ZNF385D: variants seen among roughly 807,000 people sequenced by gnomAD.
ZNF385D encodes the protein zinc finger protein 659.
ZNF385D carries 15 observed loss-of-function variants against 35.8 expected under a neutral mutation model. The observed-to-expected ratio is 0.42, with a 90% confidence interval of 0.28 to 0.64. The LOEUF (loss-of-function observed/expected upper bound fraction) is 0.64. ZNF385D is among the 30% of genes least tolerant of loss of function. The pLI, the probability that ZNF385D is intolerant of heterozygous loss-of-function variation, is 0.23. For missense variants in ZNF385D, 474 were observed against 494.6 expected, an observed-to-expected ratio of 0.96 and a Z score of 0.39; for synonymous variants, 212 against 186.8, an observed-to-expected ratio of 1.13 and a Z score of -1.10.
intron 1 of ZNF385D, among the ~76,000 whole-genome samples, chr3:21,693,549 T>A (rs1473157997): frequency 6.6e-6 from 1 of 152,198 alleles, no homozygotes; most frequent in Non-Finnish European, 1.5e-5. Context: ...CTGTGTACAC[T>A]TGTGCCACTT....
chr3:22,017,890 GT>G (rs1365073564), intron 3 of ZNF385D, among the ~76,000 whole-genome samples: 2 of 151,646 alleles, frequency 1.3e-5, no homozygotes, highest in South Asian at 2.1e-4. Context: ...TATTCAACTT[GT>G]TTTTTGCCTA....
chr3:21,489,527 AAG>A (rs1705263088), intron 4 of ZNF385D, among the ~76,000 whole-genome samples: 1 of 152,148 alleles, frequency 6.6e-6, no homozygotes, highest in African/African-American at 2.4e-5. Context: ...TAGAGTTTTA[AAG>A]ACTTTCCTCA....
chr3:21,643,985 A>T (rs4858341), intron 2 of ZNF385D, among the ~76,000 whole-genome samples: 89,991 of 151,952 alleles, frequency 0.59, 28,022 homozygotes, highest in Non-Finnish European at 0.68. Context: ...TACAAACAGA[A>T]AAGGACAAAG....
chr3:21,575,376 A>G (rs998327045), intron 2 of ZNF385D, among the ~76,000 whole-genome samples: 2 of 152,178 alleles, frequency 1.3e-5, no homozygotes, highest in African/African-American at 4.8e-5. Flanking sequence ...TTTAACAAAT[A>G]AATTCATTCA....
chr3:22,189,200 C>A (rs1466566212), intron 2 of ZNF385D, among the ~76,000 whole-genome samples: 2 of 152,240 alleles, frequency 1.3e-5, no homozygotes, highest in East Asian at 3.9e-4. Context: ...AACTGTGTTT[C>A]TCAACTGGGA....
At chr3:21,881,503 T>G (rs1698274188) in intron 3 of ZNF385D, among the ~76,000 whole-genome samples, 1 of 152,028 alleles carries the variant, frequency 6.6e-6, no homozygotes. Context: ...AAAAGATTCC[T>G]TTTAAAATAT....
intron 1 of ZNF385D, among the ~76,000 whole-genome samples, chr3:21,697,511 T>C (rs1402487440): frequency 6.6e-6 from 1 of 152,132 alleles, no homozygotes; most frequent in African/African-American, 2.4e-5. Context: ...TGATAGCCAC[T>C]AGTCCTATAT....
chr3:21,663,890 A>AATATATATACATATATATATATATAT (rs2066310533), intron 2 of ZNF385D, among the ~76,000 whole-genome samples: 1 of 64,418 alleles, frequency 1.6e-5, no homozygotes, highest in African/African-American at 6.2e-5. Flanking sequence ...TTGTGGGCCG[A>AATATATATACATATATATATATATAT]ATATATATAT....
chr3:22,302,696 A>G (rs897359024), intron 2 of ZNF385D, among the ~76,000 whole-genome samples: 32 of 152,012 alleles, frequency 2.1e-4, no homozygotes, highest in African/African-American at 6.8e-4. Flanking sequence ...TAAGATAACT[A>G]CCATTTTAGA....
chr3:22,070,895 C>A (rs1405669799), intron 3 of ZNF385D, among the ~76,000 whole-genome samples: 1 of 152,106 alleles, frequency 6.6e-6, no homozygotes, highest in Non-Finnish European at 1.5e-5. Flanking sequence ...CTTCAGAAAG[C>A]ACTTACTACA....
chr3:21,906,926 A>G (rs1699712811), intron 3 of ZNF385D, among the ~76,000 whole-genome samples: 1 of 152,082 alleles, frequency 6.6e-6, no homozygotes, highest in Admixed American at 6.6e-5. Context: ...TTAATCCTGG[A>G]GTTCTGCTCT....
chr3:21,773,675 C>A (rs181068717), intron 3 of ZNF385D, among the ~76,000 whole-genome samples: 58 of 151,910 alleles, frequency 3.8e-4, no homozygotes, highest in Middle Eastern at 3.4e-3. Flanking sequence ...TTAACAAGCC[C>A]ACCATCCCTG....
intron 3 of ZNF385D, among the ~76,000 whole-genome samples, chr3:21,780,340 G>A (rs2071441207): frequency 1.3e-5 from 2 of 151,732 alleles, no homozygotes; most frequent in Non-Finnish European, 2.9e-5. Flanking sequence ...TACTATCATT[G>A]CAACTACCAC....
At chr3:21,790,900 CTATT>C (rs2071900817) in intron 3 of ZNF385D, among the ~76,000 whole-genome samples, 3 of 152,206 alleles carry the variant, frequency 2.0e-5, no homozygotes, top group Middle Eastern at 6.8e-3. Flanking sequence ...TCCTTTAGGA[CTATT>C]TATTTTCTCT....
chr3:21,773,460 A>G (rs564778088), intron 3 of ZNF385D, among the ~76,000 whole-genome samples: 2 of 151,974 alleles, frequency 1.3e-5, no homozygotes, highest in Non-Finnish European at 2.9e-5. Flanking sequence ...GGCAAAGGAA[A>G]CTACATCAGA....
chr3:22,113,221 C>T (rs2125649223), intron 3 of ZNF385D, among the ~76,000 whole-genome samples: 1 of 152,094 alleles, frequency 6.6e-6, no homozygotes, highest in East Asian at 1.9e-4. Flanking sequence ...ATTTGCTACT[C>T]CTGAATTGGT....
intron 3 of ZNF385D, among the ~76,000 whole-genome samples, chr3:22,125,036 G>A (rs1182663781): frequency 6.6e-6 from 1 of 152,118 alleles, no homozygotes. Context: ...TATTTTAGCA[G>A]TTTCATAGTT....
At chr3:22,172,042 T>A (rs1161933797) in intron 2 of ZNF385D, among the ~76,000 whole-genome samples, 1 of 152,202 alleles carries the variant, frequency 6.6e-6, no homozygotes, top group Non-Finnish European at 1.5e-5. Flanking sequence ...CATATTTGAG[T>A]TCCACTGAGA....
intron 2 of ZNF385D, among the ~76,000 whole-genome samples, chr3:22,239,907 T>C (rs1050181919): frequency 1.3e-5 from 2 of 150,408 alleles, no homozygotes; most frequent in South Asian, 2.2e-4. Flanking sequence ...CTGGGCATGG[T>C]TGCCCACGCC....
Sources: gnomAD v4.1 joint callset for allele counts (sites outside exome capture counted in the v4.1 genomes callset) on GRCh38, gnomAD v4.1.1 for gene constraint, MANE v1.5 for transcripts, NCBI Gene and HGNC (gene_info 2026-07-23, HGNC 2026-07-21) for gene names.